LPAR1: variants seen among roughly 807,000 people sequenced by gnomAD.
The protein encoded by LPAR1 is lysophosphatidic acid receptor 1, also known as LPA receptor 1.
In LPAR1, 5 loss-of-function variants were observed where a neutral mutation model predicts 23.8. The observed-to-expected ratio is 0.21, with a 90% CI of 0.11 to 0.44. LPAR1 has a LOEUF of 0.44. Among genes scored for constraint, LPAR1 ranks in the 20% least tolerant of loss-of-function variants. The probability of loss-of-function intolerance (pLI) is 0.99; values close to 1 mark genes in which losing one functional copy is unlikely to be tolerated. For synonymous variants in LPAR1, 160 were observed against 164.7 expected, an observed-to-expected ratio of 0.97 and a Z score of 0.22; for missense variants, 311 against 482.8, an observed-to-expected ratio of 0.64 and a Z score of 3.33.
intron 2 of LPAR1, among the ~76,000 whole-genome samples, chr9:111,030,809 G>T (rs1432557426): frequency 6.6e-6 from 1 of 152,144 alleles, no homozygotes; most frequent in Non-Finnish European, 1.5e-5. Context: ...TTCAAGAAGG[G>T]CCCATGCAGG....
At chr9:110,975,846 T>G (rs1180051461) in intron 2 of LPAR1, among the ~76,000 whole-genome samples, 3 of 152,216 alleles carry the variant, frequency 2.0e-5, no homozygotes, top group Non-Finnish European at 2.9e-5. Context: ...TCCTAAAACA[T>G]GCGACACGTC....
intron 5 of LPAR1, among the ~76,000 whole-genome samples, chr9:110,927,053 G>A (rs2094092784): frequency 6.6e-6 from 1 of 152,182 alleles, no homozygotes; most frequent in South Asian, 2.1e-4. Flanking sequence ...GGTGGCCCTT[G>A]GACCACACCT....
At chr9:111,006,122 T>A (rs924059611) in intron 2 of LPAR1, among the ~76,000 whole-genome samples, 1 of 152,126 alleles carries the variant, frequency 6.6e-6, no homozygotes. Context: ...CCACTAGAAA[T>A]GAAAAATGAA....
chr9:111,007,848 T>C (rs1314246067), intron 2 of LPAR1, among the ~76,000 whole-genome samples: 2 of 152,038 alleles, frequency 1.3e-5, no homozygotes, highest in East Asian at 1.9e-4. Context: ...ATCCGGGAAA[T>C]TGAAAGCAAC....
At chr9:110,901,387 G>C (rs147926414) in intron 5 of LPAR1, among the ~76,000 whole-genome samples, 8 of 152,268 alleles carry the variant, frequency 5.3e-5, no homozygotes, top group Non-Finnish European at 1.5e-5. Context: ...GCATGTATTA[G>C]TCTGTTCTCA....
intron 4 of LPAR1, among the ~76,000 whole-genome samples, chr9:110,966,832 T>A (rs2096244128): frequency 6.6e-6 from 1 of 152,166 alleles, no homozygotes; most frequent in Non-Finnish European, 1.5e-5. Context: ...GAAGCCAAAC[T>A]GCTCACTCTG....
chr9:110,947,260 T>C (rs1339192929), intron 4 of LPAR1, among the ~76,000 whole-genome samples: 1 of 152,130 alleles, frequency 6.6e-6, no homozygotes, highest in Non-Finnish European at 1.5e-5. Context: ...AAAATCCAAA[T>C]CACCATAATT....
At chr9:110,919,470 A>C (rs1014259760) in intron 5 of LPAR1, among the ~76,000 whole-genome samples, 1 of 152,170 alleles carries the variant, frequency 6.6e-6, no homozygotes, top group African/African-American at 2.4e-5. Context: ...ACCTACAGAG[A>C]CTGAGAGATA....
At chr9:110,914,795 G>C (rs1045669010) in intron 5 of LPAR1, among the ~76,000 whole-genome samples, 1 of 151,820 alleles carries the variant, frequency 6.6e-6, no homozygotes, top group South Asian at 2.1e-4. Flanking sequence ...GGGAAAAAAA[G>C]CTTATTTTGC....
chr9:110,978,844 T>C (rs2096611489), intron 2 of LPAR1, among the ~76,000 whole-genome samples: 2 of 152,054 alleles, frequency 1.3e-5, no homozygotes, highest in Admixed American at 6.6e-5. Context: ...GCTTAAAAAG[T>C]GGTAATTCAA....
chr9:110,897,418 T>C (rs1404775480), intron 5 of LPAR1, among the ~76,000 whole-genome samples: 5 of 152,210 alleles, frequency 3.3e-5, no homozygotes, highest in Non-Finnish European at 7.3e-5. Context: ...ATAAGTCCAA[T>C]AAACCTCTTT....
chr9:110,944,624 C>T (rs972423715), intron 4 of LPAR1, among the ~76,000 whole-genome samples: 2 of 152,026 alleles, frequency 1.3e-5, no homozygotes, highest in Non-Finnish European at 2.9e-5. Context: ...AGCTTCTTAG[C>T]CCTTCCCACA....
chr9:110,926,166 C>T (rs62573212), intron 5 of LPAR1, among the ~76,000 whole-genome samples: 28,466 of 152,130 alleles, frequency 0.19, 3,700 homozygotes, highest in East Asian at 0.6. Flanking sequence ...GTGATCCGCC[C>T]GCCTAGGCCT....
intron 2 of LPAR1, among the ~76,000 whole-genome samples, chr9:110,985,985 A>C (rs1188289625): frequency 6.6e-6 from 1 of 152,118 alleles, no homozygotes; most frequent in African/African-American, 2.4e-5. Flanking sequence ...AATGAGATCT[A>C]CATTTTAAGG....
At position 111,038,423 on chromosome 9, in the gene LPAR1, A is replaced by T. The variant is rs1564409035; in HGVS notation, c.-518T>A. ...GGCCCGCGCTCCGCAGCGGGGCTGG[A>T]GACGGAGTCGCCACTCAGGGAGCGT... On this transcript the variant is annotated 5_prime_UTR_variant, in exon 1 of 6. Coordinates refer to ENST00000683809, the MANE Select transcript of LPAR1 (RefSeq NM_001351411.2). This position sits in a 1 kb window ranked among gnomAD's most constrained non-coding sequence, Gnocchi z 4.4. The T allele has an allele frequency of 9.6e-6, 3 of 310,984 alleles. No homozygotes were observed. The highest frequency in any genetic ancestry group is 1.9e-5 in the Non-Finnish European group (3 of 159,140). 19.3% of individuals were successfully genotyped at this position (310,984 alleles called of 1,614,324 possible). A position where few individuals can be genotyped will look rare whatever the true frequency, so the allele number is the denominator to read the frequency against.
At chr9:110,877,692 A>C (rs928767520) in intron 5 of LPAR1, among the ~76,000 whole-genome samples, 4 of 152,202 alleles carry the variant, frequency 2.6e-5, no homozygotes, top group African/African-American at 9.7e-5. Flanking sequence ...ATGGAACAGC[A>C]TTCTTTCAAG....
At position 110,941,282 on chromosome 9, in the gene LPAR1, A is replaced by G. The variant is rs2095082425; in HGVS notation, c.793+139T>C. Reference sequence around the variant, plus strand: ...ACTCATAAGCTGACATTTAATATAAAGGTGCCTCATCCCCTTGTAATTCCT... The same window carrying G: ...ACTCATAAGCTGACATTTAATATAAGGGTGCCTCATCCCCTTGTAATTCCT... On this transcript the variant is annotated intron_variant, in intron 5 of 5. Coordinates refer to ENST00000683809, the MANE Select transcript of LPAR1 (RefSeq NM_001351411.2). This position sits in a 1 kb window ranked among gnomAD's most constrained non-coding sequence, Gnocchi z 6.1. The G allele has an allele frequency of 2.7e-6, 2 of 741,474 alleles. No individual in the cohort carries two copies. The highest frequency in any genetic ancestry group is 4.4e-6 in the Non-Finnish European group (2 of 450,214). The allele number at this position is 741,474 out of a possible 1,614,324, so 45.9% of individuals were successfully genotyped here.
At chr9:111,008,457 A>G (rs1157082226) in intron 2 of LPAR1, among the ~76,000 whole-genome samples, 47 of 152,144 alleles carry the variant, frequency 3.1e-4, no homozygotes, top group Non-Finnish European at 4.4e-5. Flanking sequence ...ACAATAATAA[A>G]CTAGGGAGTC....
intron 2 of LPAR1, among the ~76,000 whole-genome samples, chr9:111,020,284 C>T (rs2097538266): frequency 6.6e-6 from 1 of 152,172 alleles, no homozygotes; most frequent in Non-Finnish European, 1.5e-5. Context: ...AATTCCTGCT[C>T]CTAGAGAAAT....
Sources: gnomAD v4.1 joint callset for allele counts (sites outside exome capture counted in the v4.1 genomes callset) on GRCh38, gnomAD v4.1.1 for gene constraint, Gnocchi (gnomAD v3.1) non-coding constraint, MANE v1.5 for transcripts, NCBI Gene and HGNC (gene_info 2026-07-23, HGNC 2026-07-21) for gene names.